CDH7: variants seen among roughly 807,000 people sequenced by gnomAD.
CDH7 encodes cadherin-7.
A neutral mutation model predicts 71.8 loss-of-function variants in CDH7; 25 were observed. The observed-to-expected ratio is 0.35, with a 90% confidence interval of 0.25 to 0.49. The LOEUF (loss-of-function observed/expected upper bound fraction) is 0.49, where lower values mean the gene tolerates loss of function less well. Among genes scored for constraint, CDH7 ranks in the 20% least tolerant of loss-of-function variants. The pLI is 0.99. For synonymous variants in CDH7, 381 were observed against 363.8 expected (o/e 1.05, Z -0.54); for missense variants, 862 against 974.6 (o/e 0.88, Z 1.54).
At chr18:65,762,153 A>T (rs1356968529) in intron 1 of CDH7, among the ~76,000 whole-genome samples, 1 of 152,188 alleles carries the variant, frequency 6.6e-6, no homozygotes, top group Admixed American at 6.5e-5. Flanking sequence ...GCATCACCTC[A>T]TACTTCTTTA....
chr18:65,864,574 C>T (rs1022396719), intron 11 of CDH7, among the ~76,000 whole-genome samples: 1 of 151,662 alleles, frequency 6.6e-6, no homozygotes, highest in African/African-American at 2.4e-5. Context: ...AGCAGAATAA[C>T]CTACATTAGA....
At position 65,885,482 on chromosome 18, in the gene CDH7, G is replaced by C. The variant is rs61545230; in HGVS notation, c.*4588G>C. ...AAGCTCCGCCTCCAGGGTTCACACC[G>C]TTCTCCTGCCTCAACCTCCGGAGTA... is the stretch of plus-strand genomic sequence containing the variant. On this transcript the variant is annotated 3_prime_UTR_variant, in exon 12 of 12. Transcript: ENST00000397968. 6.8e-6 allele frequency: 1 copy of C among 146,098 alleles called. No individual in the cohort carries two copies. The highest frequency in any genetic ancestry group is 1.5e-5 in the Non-Finnish European group (1 of 67,074). The allele number at this position is 146,098 out of a possible 1,614,324, so 9.1% of individuals were successfully genotyped here. A position where few individuals can be genotyped will look rare whatever the true frequency, so the allele number is the denominator to read the frequency against.
rs66695422 is a variant in CDH7, at chr18:65,776,361, A to AACAC, written c.210+13347_210+13350dup. Among the ~76,000 whole-genome samples the AACAC allele has an allele frequency of 7.9e-3, 1,103 of 139,694 alleles. 5 individuals carry two copies. Among genetic ancestry groups the AACAC allele is most frequent in the Middle Eastern group, 0.036 (10 of 276 alleles). 91.6% of individuals were successfully genotyped at this position (139,694 alleles called of 152,430 possible). A position where few individuals can be genotyped will look rare whatever the true frequency, so the allele number is the denominator to read the frequency against. ...AATCACACATTTGAAGAAAGTACAG[A>AACAC]ACACACACACACACACACACACACA... is the stretch of plus-strand genomic sequence containing the variant. On this transcript the variant is annotated intron_variant, in intron 2 of 11. Coordinates refer to ENST00000397968, the MANE Select transcript of CDH7 (RefSeq NM_004361.5).
At chr18:65,755,443 C>T (rs1916004481) in intron 1 of CDH7, among the ~76,000 whole-genome samples, 1 of 152,192 alleles carries the variant, frequency 6.6e-6, no homozygotes, top group African/African-American at 2.4e-5. Context: ...CTAACATGAA[C>T]CCTAATGAAA....
In CDH7 at chr18:65,781,788, T is replaced by TTTCTTTCTTTCTTTCTA. The variant is rs1568181346; in HGVS notation, c.210+18737_210+18738insTCTTTCTTTCTTTCTAT. Among the ~76,000 whole-genome samples the TTTCTTTCTTTCTTTCTA allele has an allele frequency of 1.9e-4, 13 of 67,984 alleles. 1 individual carries two copies. Among genetic ancestry groups the TTTCTTTCTTTCTTTCTA allele is most frequent in the Admixed American group, 1.3e-4 (1 of 7,494 alleles). The allele number at this position is 67,984 out of a possible 152,430, so 44.6% of individuals were successfully genotyped here. ...TTTCTTTCCTTCCTTCCTTCCTTCCTTCCTTCCTTCCTTCCTTCCTTCCTT... is the reference window on the plus strand; with the variant it reads ...TTTCTTTCCTTCCTTCCTTCCTTCCTTTCTTTCTTTCTTTCTATCCTTCCTTCCTTCCTTCCTTCCTT... On this transcript the variant is annotated intron_variant, in intron 2 of 11. Transcript: ENST00000397968.
Position 65,884,415 on chromosome 18 carries a change from A to G in CDH7, c.*3521A>G, listed in dbSNP as rs140785495. 2 of 152,162 alleles carry G rather than the reference A, an allele frequency of 1.3e-5. No homozygotes were observed. Among genetic ancestry groups the G allele is most frequent in the Admixed American group, 6.5e-5 (1 of 15,284 alleles). 9.4% of individuals were successfully genotyped at this position (152,162 alleles called of 1,614,324 possible). On this transcript the variant is annotated 3_prime_UTR_variant, in exon 12 of 12. Transcript: ENST00000397968. ...CTTTATTTGCCAGGAAGCTCTGCTGATGACTACAATTGAGGTTAGTTGTCT... is the reference window on the plus strand; with the variant it reads ...CTTTATTTGCCAGGAAGCTCTGCTGGTGACTACAATTGAGGTTAGTTGTCT...
chr18:65,757,504 T>C (rs1376571880), intron 1 of CDH7, among the ~76,000 whole-genome samples: 1 of 152,190 alleles, frequency 6.6e-6, no homozygotes, highest in African/African-American at 2.4e-5. Flanking sequence ...TATTTCAGTT[T>C]GTAAAACATG....
At chr18:65,816,192 GT>G (rs879766582) in intron 4 of CDH7, among the ~76,000 whole-genome samples, 10 of 147,960 alleles carry the variant, frequency 6.8e-5, no homozygotes, top group East Asian at 2.0e-4. Context: ...GTTTAGTTTA[GT>G]TTTTTTTTTA....
chr18:65,756,968 T>C (rs1916046995), intron 1 of CDH7, among the ~76,000 whole-genome samples: 2 of 152,192 alleles, frequency 1.3e-5, no homozygotes, highest in Non-Finnish European at 2.9e-5. Context: ...GTTTTTAGCA[T>C]GTTGACTTTG....
At chr18:65,862,515 A>G (rs1225003375) in intron 10 of CDH7, 151 bp from the exon 11 acceptor site, 4 of 709,250 alleles carry the variant, frequency 5.6e-6, no homozygotes, top group Non-Finnish European at 9.4e-6. Flanking sequence ...CCTCTGTCCT[A>G]GAGAATTGAA....
chr18:65,787,894 G>C (rs573849108), intron 2 of CDH7, among the ~76,000 whole-genome samples: 65 of 152,292 alleles, frequency 4.3e-4, no homozygotes, highest in African/African-American at 1.5e-3. Context: ...AAAAGTTGGT[G>C]AAATTTAAGA....
Position 65,885,382 on chromosome 18 carries a change from T to C in CDH7, c.*4488T>C, listed in dbSNP as rs1437711377. Reference sequence around the variant, plus strand: ...AGGATGTGTGCCTGTGTTTTTTTTTTTTTTTTTTTTTTTGACGTGGAGTCT... The same window carrying C: ...AGGATGTGTGCCTGTGTTTTTTTTTCTTTTTTTTTTTTTGACGTGGAGTCT... On this transcript the variant is annotated 3_prime_UTR_variant, in exon 12 of 12. Transcript: ENST00000397968. 3.5e-5 allele frequency: 4 copies of C among 113,454 alleles called. No homozygotes were observed. The highest frequency in any genetic ancestry group is 4.4e-3 in the Middle Eastern group (1 of 226). The allele number at this position is 113,454 out of a possible 1,614,324, so 7.0% of individuals were successfully genotyped here.
intron 3 of CDH7, 60 bp downstream of exon 3, chr18:65,810,058 A>G (rs1911477229): frequency 7.1e-7 from 1 of 1,401,274 alleles, no homozygotes; most frequent in African/African-American, 1.5e-5. Flanking sequence ...TTTGTATTTA[A>G]AATTAAATCA....
At chr18:65,808,753 GA>G (rs948516798) in intron 2 of CDH7, among the ~76,000 whole-genome samples, 2 of 152,100 alleles carry the variant, frequency 1.3e-5, no homozygotes, top group Admixed American at 6.6e-5. Flanking sequence ...TAAGGGCAGT[GA>G]AAAGCTTTAT....
At chr18:65,869,144 C>T (rs1393138958) in intron 11 of CDH7, among the ~76,000 whole-genome samples, 1 of 152,110 alleles carries the variant, frequency 6.6e-6, no homozygotes, top group Non-Finnish European at 1.5e-5. Context: ...TTAGTCCGCA[C>T]ATACTGTTAA....
intron 2 of CDH7, among the ~76,000 whole-genome samples, chr18:65,800,072 A>T (rs1039823679): frequency 2.6e-5 from 4 of 152,026 alleles, no homozygotes; most frequent in Non-Finnish European, 4.4e-5. Flanking sequence ...TCTAGAAGAC[A>T]TTTTCTTTTT....
intron 6 of CDH7, among the ~76,000 whole-genome samples, chr18:65,826,271 CATT>C (rs1462783176): frequency 4.6e-5 from 7 of 151,208 alleles, no homozygotes; most frequent in African/African-American, 1.7e-4. Context: ...CACAAATAAT[CATT>C]ATTATTCTTA....
chr18:65,801,628 G>A (rs756781700), intron 2 of CDH7, among the ~76,000 whole-genome samples: 2 of 152,256 alleles, frequency 1.3e-5, no homozygotes, highest in East Asian at 1.9e-4. Context: ...CCTCTTCTTG[G>A]CTAGCTCCTT....
chr18:65,858,741 C>T (rs1484412994), intron 8 of CDH7, among the ~76,000 whole-genome samples, 184 bp from the exon 9 acceptor site: 1 of 151,968 alleles, frequency 6.6e-6, no homozygotes, highest in Non-Finnish European at 1.5e-5. Flanking sequence ...TATACACACA[C>T]ATACAAATAC....
Sources: gnomAD v4.1 joint callset for allele counts (sites outside exome capture counted in the v4.1 genomes callset) on GRCh38, gnomAD v4.1.1 for gene constraint, MANE v1.5 for transcripts, NCBI Gene and HGNC (gene_info 2026-07-23, HGNC 2026-07-21) for gene names.